Variants in DIAPH2 observed in about 807,000 individuals in gnomAD.
The protein encoded by DIAPH2 is protein diaphanous homolog 2.
A neutral mutation model predicts 92.7 loss-of-function variants in DIAPH2; 35 were observed. The observed-to-expected ratio is 0.38, with a 90% CI of 0.29 to 0.50. The LOEUF is 0.50. DIAPH2 is among the 20% of genes least tolerant of loss of function. The pLI, the probability that DIAPH2 is intolerant of heterozygous loss-of-function variation, is 0.94. For synonymous variants in DIAPH2, 301 were observed against 280.4 expected (o/e 1.07, Z -0.73); for missense variants, 701 against 819.5 (o/e 0.86, Z 1.77).
In DIAPH2 at chrX:96,977,445, A is replaced by G. The variant is rs138471077; in HGVS notation, c.2050+12238A>G. Among the ~76,000 whole-genome samples the G allele has an allele frequency of 4.9e-3, 545 of 111,627 alleles. 3 individuals are homozygous for G. Among genetic ancestry groups the G allele is most frequent in the Non-Finnish European group, 6.0e-3 (320 of 53,152 alleles). ...TAATATAGTTGAGATGCATAAAGTAATGAAATCAATTTTTCACTTTGACTC... is the reference window on the plus strand; with the variant it reads ...TAATATAGTTGAGATGCATAAAGTAGTGAAATCAATTTTTCACTTTGACTC... On this transcript the variant is annotated intron_variant, in intron 17 of 26. Coordinates refer to ENST00000324765, the MANE Select transcript of DIAPH2 (RefSeq NM_006729.5).
At chrX:97,445,385 A>G (rs372413743) in intron 26 of DIAPH2, among the ~76,000 whole-genome samples, 38 of 110,257 alleles carry the variant, frequency 3.4e-4, no homozygotes, top group East Asian at 2.6e-3. Flanking sequence ...ATTTTGTTTT[A>G]TCTGTTTATC....
At chrX:97,137,007 A>C (rs752643484) in intron 21 of DIAPH2, among the ~76,000 whole-genome samples, 6 of 108,669 alleles carry the variant, frequency 5.5e-5, no homozygotes, top group South Asian at 8.3e-4. Flanking sequence ...AGTACCATGC[A>C]TCATTTATCT....
chrX:96,838,212 G>A (rs983308701), intron 4 of DIAPH2, among the ~76,000 whole-genome samples: 1 of 111,614 alleles, frequency 9.0e-6, no homozygotes, highest in African/African-American at 3.3e-5. Flanking sequence ...AAAATATAAA[G>A]CAATGAGACG....
At chrX:97,499,777 TA>T (rs773395357) in intron 26 of DIAPH2, among the ~76,000 whole-genome samples, 112 of 112,534 alleles carry the variant, frequency 1.0e-3, no homozygotes, top group African/African-American at 3.5e-3. Flanking sequence ...ATAAAAAAGA[TA>T]ACTTTAATTA....
intron 25 of DIAPH2, among the ~76,000 whole-genome samples, chrX:97,388,075 T>A (rs2147736519): frequency 9.0e-6 from 1 of 111,208 alleles, no homozygotes; most frequent in Admixed American, 9.6e-5. Flanking sequence ...CATAAGAAAA[T>A]GCCACAAGCT....
At chrX:96,990,585 G>T (rs1427437444) in intron 17 of DIAPH2, among the ~76,000 whole-genome samples, 4 of 110,788 alleles carry the variant, frequency 3.6e-5, no homozygotes, top group African/African-American at 1.3e-4. Context: ...AGTTTTGTTT[G>T]TTTTTTATTG....
At chrX:96,985,155 A>G (rs933786106) in intron 17 of DIAPH2, among the ~76,000 whole-genome samples, 2 of 111,349 alleles carry the variant, frequency 1.8e-5, no homozygotes, top group Non-Finnish European at 3.8e-5. Flanking sequence ...ATATTGTAGA[A>G]CTGTAGTCTT....
At chrX:96,961,064 G>A (rs1227958167) in intron 16 of DIAPH2, among the ~76,000 whole-genome samples, 2 of 111,464 alleles carry the variant, frequency 1.8e-5, no homozygotes, top group Non-Finnish European at 3.8e-5. Flanking sequence ...TTGTGTCCTT[G>A]TTTGGTTTTC....
chrX:96,820,580 G>T (rs2064771167), intron 4 of DIAPH2, among the ~76,000 whole-genome samples: 1 of 112,685 alleles, frequency 8.9e-6, no homozygotes. Context: ...GTTCTTAGAA[G>T]TAATCAGGAA....
chrX:97,361,279 G>C (rs980595750), intron 24 of DIAPH2, among the ~76,000 whole-genome samples: 1 of 110,959 alleles, frequency 9.0e-6, no homozygotes, highest in African/African-American at 3.3e-5. Context: ...CAAATAGATA[G>C]ACTTGTTTCA....
At chrX:97,202,004 G>A (rs1047869152) in intron 22 of DIAPH2, among the ~76,000 whole-genome samples, 3 of 111,659 alleles carry the variant, frequency 2.7e-5, no homozygotes, top group Non-Finnish European at 5.6e-5. Context: ...AAGAGTGGGA[G>A]CCAATATTCA....
At chrX:97,310,394 A>T (rs907989151) in intron 23 of DIAPH2, among the ~76,000 whole-genome samples, 1 of 112,054 alleles carries the variant, frequency 8.9e-6, no homozygotes. Context: ...AAGGCGATAA[A>T]TGCCATAGGG....
At chrX:97,392,850 C>A (rs1479834574) in intron 25 of DIAPH2, among the ~76,000 whole-genome samples, 1 of 111,611 alleles carries the variant, frequency 9.0e-6, no homozygotes, top group East Asian at 2.8e-4. Context: ...ATACTGTAGT[C>A]TGTTTATTGA....
At chrX:97,264,711 C>T (rs912986206) in intron 23 of DIAPH2, among the ~76,000 whole-genome samples, 1 of 112,269 alleles carries the variant, frequency 8.9e-6, no homozygotes, top group Non-Finnish European at 1.9e-5. Context: ...TTCGGCTGGG[C>T]GCAGTGGCTC....
chrX:97,071,067 A>G (rs2066666595), intron 17 of DIAPH2, among the ~76,000 whole-genome samples: 2 of 111,244 alleles, frequency 1.8e-5, no homozygotes, highest in Admixed American at 1.9e-4. Flanking sequence ...GATATTAGGA[A>G]AATTTTCTTG....
Position 97,075,217 on chromosome X carries a change from A to G in DIAPH2, c.2203A>G (p.Ile735Val), listed in dbSNP as rs373431250. The change falls in exon 19 of 27, where the codon ATT becomes GTT. Residue 735 changes from isoleucine to valine, a missense_variant. Physicochemically the swap from Ile to Val is conservative, Grantham distance 29. Around this residue, in one of 3 missense-constraint regions of DIAPH2, gnomAD observed 536 missense variants for 599.3 expected, o/e 0.89. Transcript: ENST00000324765. Reference protein sequence around the residue: ...RMPYEDIRNVILEVNEDMLSE... With the variant: ...RMPYEDIRNVVLEVNEDMLSE... ...GCCATATGAAGACATAAGAAACGTT[A>G]TTCTGGAGGTTAATGAAGACATGCT... is the stretch of plus-strand genomic sequence containing the variant. 2.5e-6 allele frequency: 3 copies of G among 1,190,429 alleles called. No homozygotes were observed. Among genetic ancestry groups the G allele is most frequent in the Non-Finnish European group, 3.4e-6 (3 of 884,666 alleles).
chrX:97,342,666 A>C (rs2069122370), intron 23 of DIAPH2, among the ~76,000 whole-genome samples: 1 of 112,293 alleles, frequency 8.9e-6, no homozygotes, highest in Non-Finnish European at 1.9e-5. Flanking sequence ...GAGAAGGTCT[A>C]CTTTCATGGA....
intron 17 of DIAPH2, among the ~76,000 whole-genome samples, chrX:97,049,626 A>C (rs1454676002): frequency 9.0e-6 from 1 of 111,448 alleles, no homozygotes; most frequent in African/African-American, 3.2e-5. Context: ...TGAAGAAACT[A>C]ATTTCTACAT....
chrX:96,735,281 G>A (rs1490434155), intron 1 of DIAPH2, among the ~76,000 whole-genome samples: 1 of 111,820 alleles, frequency 8.9e-6, no homozygotes, highest in African/African-American at 3.2e-5. Flanking sequence ...TTATAAAAGT[G>A]TCCTTTAAAT....
Sources: gnomAD v4.1 joint callset for allele counts (sites outside exome capture counted in the v4.1 genomes callset) on GRCh38, gnomAD v4.1.1 for gene constraint, gnomAD v4.1.1 regional missense constraint, MANE v1.5 for transcripts, NCBI Gene and HGNC (gene_info 2026-07-23, HGNC 2026-07-21) for gene names.